Variants in NCOR1 observed in about 807,000 individuals in gnomAD.
NCOR1 encodes protein phosphatase 1, regulatory subunit 109.
Under a neutral mutation model 288.1 loss-of-function variants are expected in NCOR1, and 63 were observed. The ratio of observed to expected loss-of-function variants is 0.22; its 90% CI spans 0.18 to 0.27. The LOEUF (loss-of-function observed/expected upper bound fraction) is 0.27. NCOR1 is among the 10% of genes least tolerant of loss of function. NCOR1 has a pLI of 1.00. For missense variants in NCOR1, 2,397 were observed against 3,019.2 expected (o/e 0.79, Z 4.83); for synonymous variants, 1,007 against 1,065.9 (o/e 0.94, Z 1.08).
intron 23 of NCOR1, 130 bp downstream of exon 23, chr17:16,086,152 T>C (rs2064192388): frequency 1.9e-6 from 2 of 1,058,992 alleles, no homozygotes; most frequent in East Asian, 2.4e-5. Context: ...CTGGTCATTA[T>C]CTCTTGAAAC....
At chr17:16,062,590 A>G (rs771154956) in intron 35 of NCOR1, among the ~76,000 whole-genome samples, 20 of 152,228 alleles carry the variant, frequency 1.3e-4, no homozygotes, top group Non-Finnish European at 2.6e-4. Context: ...TACAAATCAT[A>G]TAAGTTCATC....
chr17:16,095,170 G>C (rs532302185), intron 21 of NCOR1, among the ~76,000 whole-genome samples: 178 of 151,758 alleles, frequency 1.2e-3, no homozygotes, highest in African/African-American at 4.1e-3. Flanking sequence ...GAACGTCTCT[G>C]CCCGGCCGCC....
intron 4 of NCOR1, among the ~76,000 whole-genome samples, chr17:16,171,370 A>T (rs76885195): frequency 0.018 from 2,746 of 152,250 alleles, 85 homozygotes; most frequent in African/African-American, 0.062. Context: ...TATAGAACTT[A>T]TATGCACAAT....
chr17:16,079,701 G>C (rs1021630294), intron 26 of NCOR1, among the ~76,000 whole-genome samples: 1 of 152,160 alleles, frequency 6.6e-6, no homozygotes, highest in Non-Finnish European at 1.5e-5. Context: ...GACAATAAGA[G>C]CTGCATCAAT....
intron 3 of NCOR1, among the ~76,000 whole-genome samples, chr17:16,180,940 C>T (rs569909750): frequency 6.6e-6 from 1 of 152,268 alleles, no homozygotes; most frequent in South Asian, 2.1e-4. Flanking sequence ...GGGCGGATTA[C>T]TTGAGGTCTG....
chr17:16,071,764 T>TTAAAA, intron 29 of NCOR1, 99 bp from the exon 30 acceptor site: 3 of 1,116,292 alleles, frequency 2.7e-6, no homozygotes, highest in Non-Finnish European at 3.8e-6. Flanking sequence ...GTAAATTTTG[T>TTAAAA]TACATATATT....
intron 32 of NCOR1, among the ~76,000 whole-genome samples, 190 bp downstream of exon 32, chr17:16,067,704 C>T (rs1293340138): frequency 6.6e-6 from 1 of 152,030 alleles, no homozygotes; most frequent in Non-Finnish European, 1.5e-5. Context: ...AGTTCTTTAC[C>T]GGGTGCTGAT....
chr17:16,185,243 CACAAAAGCAAAAATAAAA>C (rs767894524), intron 3 of NCOR1, among the ~76,000 whole-genome samples: 10 of 152,022 alleles, frequency 6.6e-5, no homozygotes, highest in East Asian at 1.9e-4. Flanking sequence ...TCGGTCCAGC[CACAAAAGCAAAAATAAAA>C]ACAAAAGCAA....
intron 41 of NCOR1, among the ~76,000 whole-genome samples, 177 bp downstream of exon 41, chr17:16,048,665 TTTC>T (rs2058954200): frequency 6.6e-6 from 1 of 152,060 alleles, no homozygotes; most frequent in African/African-American, 2.4e-5. Context: ...TTATAAATAT[TTTC>T]TTTTTGCTAA....
At position 16,039,553 on chromosome 17, in the gene NCOR1, C is replaced by T. The variant is rs2151985518; in HGVS notation, c.6835G>A (p.Val2279Ile). Residue 2279 changes from valine to isoleucine, a missense_variant, in exon 44 of 46, where the codon GTT (valine) becomes ATT (isoleucine). This residue lies in a region of NCOR1 where 1,872 missense variants were observed against 2,187.8 expected (regional missense o/e 0.86). Transcript: ENST00000268712. ...KALMGSFDDK[V>I]EDHGVVMSQP... ...GACATGACAACTCCATGATCCTCAACTTTGTCATCAAAGCTTCCCATGAGA... is the reference window on the plus strand; with the variant it reads ...GACATGACAACTCCATGATCCTCAATTTTGTCATCAAAGCTTCCCATGAGA... The T allele has an allele frequency of 1.2e-6, 2 of 1,614,178 alleles. No individual in the cohort carries two copies. Among genetic ancestry groups the T allele is most frequent in the South Asian group, 1.1e-5 (1 of 91,084 alleles).
At chr17:16,066,060 T>C (rs1283334583) in intron 32 of NCOR1, among the ~76,000 whole-genome samples, 2 of 152,208 alleles carry the variant, frequency 1.3e-5, no homozygotes, top group African/African-American at 2.4e-5. Flanking sequence ...CAGAAATGTA[T>C]ACGAAAATAC....
rs2151758114 is a variant in NCOR1 at position 16,032,409 on chromosome 17, C to T, written c.7210G>A (p.Ala2404Thr). ...SSTPPTPIAC[A>T]PSAVNQAAPH... The stretch of plus-strand genomic sequence containing the variant: ...GCTGCTTGGTTCACCGCAGAGGGAG[C>T]ACATGCAATCGGTGTTGGTGGAGTA... The change falls in exon 46 of 46, where the codon GCT (alanine) becomes ACT (threonine). Residue 2404 changes from alanine (A) to threonine (T), a missense_variant. Physicochemically the swap from Ala to Thr is moderately conservative, Grantham distance 58. This residue lies in a region of NCOR1 where 1,872 missense variants were observed against 2,187.8 expected (regional missense o/e 0.86). Coordinates refer to ENST00000268712, the MANE Select transcript of NCOR1 (RefSeq NM_006311.4). The T allele has an allele frequency of 6.2e-7, 1 of 1,614,016 alleles. No individual in the cohort carries two copies. The highest frequency in any genetic ancestry group is 8.5e-7 in the Non-Finnish European group (1 of 1,179,970).
intron 19 of NCOR1, among the ~76,000 whole-genome samples, chr17:16,102,271 A>G (rs2067763792): frequency 6.6e-6 from 1 of 152,020 alleles, no homozygotes; most frequent in South Asian, 2.1e-4. Flanking sequence ...CAAATAATTT[A>G]AACTTTTTTT....
At chr17:16,053,186 C>T (rs1487483938) in intron 40 of NCOR1, among the ~76,000 whole-genome samples, 1 of 152,188 alleles carries the variant, frequency 6.6e-6, no homozygotes, top group East Asian at 1.9e-4. Context: ...TATTGGAAGT[C>T]TTGACCAGGG....
intron 1 of NCOR1, among the ~76,000 whole-genome samples, chr17:16,196,388 G>T (rs2089795867): frequency 6.6e-6 from 1 of 152,062 alleles, no homozygotes; most frequent in South Asian, 2.1e-4. Context: ...AAAACTTATA[G>T]GCTGGCCACA....
Position 16,031,611 on chromosome 17 carries a change from A to C in NCOR1, c.*685T>G. 4.4e-6 allele frequency: 1 copy of C among 224,998 alleles called. No homozygotes were observed. The highest frequency in any genetic ancestry group is 8.9e-6 in the Non-Finnish European group (1 of 112,982). 13.9% of individuals were successfully genotyped at this position (224,998 alleles called of 1,614,324 possible). ...TTTCAGTGCTACTAATGAAAAAAAA[A>C]AATTAAAGCCTGCACTGGAAATTTA... On this transcript the variant is annotated 3_prime_UTR_variant, in exon 46 of 46. Coordinates refer to ENST00000268712, the MANE Select transcript of NCOR1 (RefSeq NM_006311.4).
intron 40 of NCOR1, 38 bp from the exon 41 acceptor site, chr17:16,049,026 G>A: frequency 6.5e-7 from 1 of 1,541,102 alleles, no homozygotes; most frequent in Non-Finnish European, 8.8e-7. Context: ...GTGTTTCAAA[G>A]GCTAACCTGG....
intron 40 of NCOR1, among the ~76,000 whole-genome samples, chr17:16,054,273 C>G (rs973118151): frequency 1.3e-4 from 20 of 152,094 alleles, no homozygotes; most frequent in Non-Finnish European, 2.6e-4. Flanking sequence ...AGACAACCTA[C>G]AGAATGGGAG....
chr17:16,101,652 G>A lies in NCOR1; in HGVS notation c.2288C>T (p.Thr763Ile), dbSNP rs2152998320. Residue 763 changes from threonine (T) to isoleucine (I), a missense_variant, in exon 20 of 46, where the codon ACA becomes ATA. Physicochemically the swap from Thr to Ile is moderately conservative, Grantham distance 89 (BLOSUM62 -1). Coordinates refer to ENST00000268712, the MANE Select transcript of NCOR1 (RefSeq NM_006311.4). ...ACTTGGAACTGCTAAGGAGGGAGATGTACTGGGTGCAGTTTCCGTGGTGGG... is the reference window on the plus strand; with the variant it reads ...ACTTGGAACTGCTAAGGAGGGAGATATACTGGGTGCAGTTTCCGTGGTGGG... ...LEPTTETAPSTSPSLAVPSTK... is the reference protein window; with the variant it reads ...LEPTTETAPSISPSLAVPSTK... The A allele has an allele frequency of 6.2e-7, 1 of 1,614,220 alleles. No individual in the cohort carries two copies. Among genetic ancestry groups the A allele is most frequent in the African/African-American group, 1.3e-5 (1 of 75,056 alleles).
Sources: allele counts gnomAD v4.1 joint callset (sites outside exome capture counted in the v4.1 genomes callset), GRCh38; gene constraint gnomAD v4.1.1; regional missense constraint gnomAD v4.1.1; transcripts MANE v1.5; gene names NCBI Gene and HGNC (gene_info 2026-07-23, HGNC 2026-07-21).